Variants in GRM8 observed in about 807,000 individuals in gnomAD.
GRM8 encodes the protein glutamate metabotropic receptor 8.
Under a neutral mutation model 87.2 loss-of-function variants are expected in GRM8, and 47 were observed. The observed-to-expected ratio is 0.54, with a 90% CI of 0.43 to 0.69. GRM8 has a LOEUF of 0.69. Among genes scored for constraint, GRM8 ranks in the 30% least tolerant of loss-of-function variants. The pLI is 0.00. For missense variants in GRM8, 1,019 were observed against 1,139.2 expected (o/e 0.89, Z 1.52); for synonymous variants, 396 against 404.5 (o/e 0.98, Z 0.25).
In GRM8 at chr7:126,705,190, T is replaced by C. The variant is rs1412689634; in HGVS notation, c.1357+64675A>G. On this transcript the variant is annotated intron_variant, in intron 7 of 10. Transcript: ENST00000339582. ...CAGGTTCCCCAATAATCAGTAGCCC[T>C]GAGACTATAAGTTGAAGTCTGCTTA... Among the ~76,000 whole-genome samples, 5 of 152,136 alleles carry C rather than the reference T, an allele frequency of 3.3e-5. No individual in the cohort carries two copies. In the East Asian group the frequency reaches 9.6e-4, roughly 29 times the overall value.
At chr7:126,836,282 G>T (rs1384988571) in intron 6 of GRM8, among the ~76,000 whole-genome samples, 1 of 152,028 alleles carries the variant, frequency 6.6e-6, no homozygotes, top group Non-Finnish European at 1.5e-5. Flanking sequence ...ATAAGAAAAT[G>T]GTGTATTTAA....
At chr7:126,447,190 T>TG (rs1413696432) in intron 9 of GRM8, 2 of 148,982 alleles carry the variant, frequency 1.3e-5, no homozygotes, top group Non-Finnish European at 3.0e-5. Flanking sequence ...GTTAAGAATC[T>TG]GAAAAAAAAA....
intron 3 of GRM8, among the ~76,000 whole-genome samples, chr7:127,098,590 TATCA>T (rs1251828061): frequency 1.3e-5 from 2 of 152,062 alleles, no homozygotes; most frequent in African/African-American, 4.8e-5. Flanking sequence ...AAAAAAAAAC[TATCA>T]AACTTTTTGG....
chr7:126,733,114 G>A (rs1446062176), intron 7 of GRM8, among the ~76,000 whole-genome samples: 1 of 151,868 alleles, frequency 6.6e-6, no homozygotes. Context: ...AAATGACTGG[G>A]CACCCCTGAT....
intron 3 of GRM8, among the ~76,000 whole-genome samples, chr7:127,020,745 G>C (rs139471220): frequency 9.9e-5 from 15 of 152,158 alleles, no homozygotes; most frequent in African/African-American, 3.6e-4. Context: ...TCATCACCTA[G>C]CCTTGTAATT....
At position 126,983,933 on chromosome 7, in the gene GRM8, C is replaced by T. The variant is rs550904782; in HGVS notation, c.728-79250G>A. Among the ~76,000 whole-genome samples, 117 of 152,300 alleles carry T rather than the reference C, an allele frequency of 7.7e-4. 1 individual carries two copies. Among genetic ancestry groups the T allele is most frequent in the Non-Finnish European group, 1.2e-3 (83 of 68,026 alleles). ...ATGACCACGTGACCAACTGCAGAAA[C>T]AAGGACTGTAATTGTCATGAGTATT... On this transcript the variant is annotated intron_variant, in intron 3 of 10. Transcript: ENST00000339582.
intron 7 of GRM8, among the ~76,000 whole-genome samples, chr7:126,733,153 T>TC (rs1813803701): frequency 6.6e-6 from 1 of 152,056 alleles, no homozygotes; most frequent in Non-Finnish European, 1.5e-5. Flanking sequence ...CACTTTTTTT[T>TC]CTTCTTCACT....
intron 3 of GRM8, among the ~76,000 whole-genome samples, chr7:126,924,814 G>A (rs1804917038): frequency 6.6e-6 from 1 of 152,098 alleles, no homozygotes; most frequent in Non-Finnish European, 1.5e-5. Context: ...TGAGGAAAAC[G>A]AAGGAGAAAG....
At chr7:127,031,182 T>C (rs150798927) in intron 3 of GRM8, among the ~76,000 whole-genome samples, 65 of 152,268 alleles carry the variant, frequency 4.3e-4, no homozygotes, top group African/African-American at 1.5e-3. Flanking sequence ...CTCCACATCC[T>C]GTATTGGTTC....
chr7:126,903,696 T>A (rs1392111259), intron 5 of GRM8, among the ~76,000 whole-genome samples: 1 of 142,554 alleles, frequency 7.0e-6, no homozygotes, highest in Non-Finnish European at 1.5e-5. Flanking sequence ...TGTATATGTG[T>A]ATATATATAT....
intron 2 of GRM8, among the ~76,000 whole-genome samples, chr7:127,194,062 G>A (rs1327721303): frequency 1.3e-5 from 2 of 152,134 alleles, no homozygotes; most frequent in East Asian, 3.9e-4. Context: ...CTGACCCACA[G>A]GCTCTGAGCT....
chr7:126,494,617 T>G (rs1469964102), intron 9 of GRM8, among the ~76,000 whole-genome samples: 1 of 152,052 alleles, frequency 6.6e-6, no homozygotes, highest in Admixed American at 6.6e-5. Flanking sequence ...ACTTATTTTC[T>G]TTTTATTTCA....
At chr7:126,639,256 G>T (rs1771466869) in intron 7 of GRM8, among the ~76,000 whole-genome samples, 1 of 152,112 alleles carries the variant, frequency 6.6e-6, no homozygotes, top group South Asian at 2.1e-4. Flanking sequence ...TGCATCTACT[G>T]ACCACATAGT....
rs562224074 is a variant in GRM8, at chr7:126,701,821, C to T, written c.1357+68044G>A. The T allele has an allele frequency of 9.5e-6, 12 of 1,258,700 alleles. 1 individual carries two copies. The highest frequency in any genetic ancestry group is 1.1e-4 in the East Asian group (2 of 17,808). The allele number at this position is 1,258,700 out of a possible 1,614,324, so 78.0% of individuals were successfully genotyped here. On this transcript the variant is annotated intron_variant, in intron 7 of 10. Coordinates refer to ENST00000339582, the MANE Select transcript of GRM8 (RefSeq NM_000845.3). ...GGGTAGAGACATCTGGATCCCTCTTCGGCAACCTAAGAAGATAAGTCTGTC... is the reference window on the plus strand; with the variant it reads ...GGGTAGAGACATCTGGATCCCTCTTTGGCAACCTAAGAAGATAAGTCTGTC...
intron 10 of GRM8, 183 bp downstream of exon 10, chr7:126,445,942 GC>G (rs1801967355): frequency 1.5e-6 from 1 of 662,436 alleles, no homozygotes; most frequent in African/African-American, 1.8e-5. Flanking sequence ...CTGTAGAACA[GC>G]CGCTCATCTT....
At chr7:126,825,805 G>A (rs920825922) in intron 6 of GRM8, among the ~76,000 whole-genome samples, 184 of 151,970 alleles carry the variant, frequency 1.2e-3, no homozygotes, top group African/African-American at 4.2e-3. Flanking sequence ...GTGCCATGCT[G>A]GTGTGCTGCA....
chr7:126,469,364 T>G (rs904932618), intron 9 of GRM8, among the ~76,000 whole-genome samples: 3 of 152,162 alleles, frequency 2.0e-5, no homozygotes, highest in Non-Finnish European at 4.4e-5. Flanking sequence ...CCTCACTCTT[T>G]TATGAAAACT....
At chr7:127,246,213 G>T (rs1798576097) in intron 1 of GRM8, among the ~76,000 whole-genome samples, 1 of 152,228 alleles carries the variant, frequency 6.6e-6, no homozygotes, top group African/African-American at 2.4e-5. Flanking sequence ...AGGTTTCATT[G>T]TATAATCTTA....
At chr7:126,718,242 A>G (rs1811976363) in intron 7 of GRM8, among the ~76,000 whole-genome samples, 1 of 151,928 alleles carries the variant, frequency 6.6e-6, no homozygotes, top group Admixed American at 6.6e-5. Context: ...AAAAATAATA[A>G]TAATAATAAT....
Sources: gnomAD v4.1 joint callset for allele counts (sites outside exome capture counted in the v4.1 genomes callset) on GRCh38, gnomAD v4.1.1 for gene constraint, MANE v1.5 for transcripts, NCBI Gene and HGNC (gene_info 2026-07-23, HGNC 2026-07-21) for gene names.